Variants in LARGE1 observed in about 807,000 individuals in gnomAD.
LARGE1 encodes the protein LARGE xylosyl- and glucuronyltransferase 1, also known as xylosyl- and glucuronyltransferase LARGE1.
Under a neutral mutation model 87.6 loss-of-function variants are expected in LARGE1, and 43 were observed. The ratio of observed to expected loss-of-function variants is 0.49; its 90% CI spans 0.38 to 0.63. The LOEUF (loss-of-function observed/expected upper bound fraction) is 0.63. Among genes scored for constraint, LARGE1 ranks in the 30% least tolerant of loss-of-function variants. LARGE1 has a pLI of 0.00. For missense variants in LARGE1, 802 were observed against 1,000.2 expected, an observed-to-expected ratio of 0.80 and a Z score of 2.67; for synonymous variants, 434 against 394.6, an observed-to-expected ratio of 1.10 and a Z score of -1.18.
chr22:33,067,719 T>C, the LARGE1 span, among the ~76,000 whole-genome samples: 1 of 152,158 alleles, frequency 6.6e-6, no homozygotes, highest in African/African-American at 2.4e-5. Flanking sequence ...CAGTGGCTCA[T>C]GCCTGTAATC....
chr22:33,085,582 T>C, the LARGE1 span, among the ~76,000 whole-genome samples: 1 of 152,238 alleles, frequency 6.6e-6, no homozygotes, highest in Non-Finnish European at 1.5e-5. Context: ...CTAAATTTAC[T>C]AATATCAATA....
intron 2 of LARGE1, among the ~76,000 whole-genome samples, chr22:33,722,966 C>T (rs547605806): frequency 7.2e-5 from 11 of 152,230 alleles, no homozygotes; most frequent in African/African-American, 2.4e-4. Flanking sequence ...TCCTGGAATG[C>T]GGTAAGTGAG....
intron 11 of LARGE1, among the ~76,000 whole-genome samples, chr22:33,310,362 G>A (rs1293645268): frequency 6.6e-6 from 1 of 152,110 alleles, no homozygotes; most frequent in Non-Finnish European, 1.5e-5. Context: ...GGCTCTCCCT[G>A]GTGTGGTGTC....
the LARGE1 span, among the ~76,000 whole-genome samples, chr22:33,076,594 A>C: frequency 6.6e-6 from 1 of 152,180 alleles, no homozygotes; most frequent in African/African-American, 2.4e-5. Flanking sequence ...GTGGTGCTGA[A>C]TTGTATTATA....
intron 2 of LARGE1, among the ~76,000 whole-genome samples, chr22:33,669,582 G>C (rs1356288723): frequency 6.6e-6 from 1 of 152,176 alleles, no homozygotes; most frequent in Non-Finnish European, 1.5e-5. Context: ...TGTTCTATTA[G>C]TTCCAGAAAC....
At chr22:33,276,346 G>A (rs1335844481) in intron 14 of LARGE1, among the ~76,000 whole-genome samples, 2 of 152,086 alleles carry the variant, frequency 1.3e-5, no homozygotes, top group Non-Finnish European at 2.9e-5. Flanking sequence ...TCATGTTTTT[G>A]TACACAAAGT....
At chr22:33,253,229 A>G (rs9621668) in intron 11 of LARGE1, among the ~76,000 whole-genome samples, 29,674 of 152,166 alleles carry the variant, frequency 0.2, 3,291 homozygotes, top group South Asian at 0.31. Context: ...AATTAAATTG[A>G]TTAAAAACAT....
At chr22:33,166,857 G>T in intron 11 of LARGE1, 1 of 471,248 alleles carries the variant, frequency 2.1e-6, no homozygotes. Flanking sequence ...GAATGAGAAA[G>T]GGTTGATTCA....
chr22:33,730,483 A>G lies in LARGE1; in HGVS notation c.106+30888T>C, dbSNP rs978270650. ...CACGCTGTAAATCTATACACCTACT[A>G]TGTATCCATAAAATTGTTTTTGAAA... On this transcript the variant is annotated intron_variant, in intron 2 of 14. Coordinates refer to ENST00000397394, the MANE Select transcript of LARGE1 (RefSeq NM_133642.5). Among the ~76,000 whole-genome samples the G allele has an allele frequency of 2.0e-4, 30 of 152,292 alleles. No individual in the cohort carries two copies. In the East Asian group the frequency reaches 3.7e-3, roughly 19 times the overall value.
intron 6 of LARGE1, among the ~76,000 whole-genome samples, chr22:33,560,964 G>A (rs543526201): frequency 2.6e-5 from 4 of 152,108 alleles, no homozygotes; most frequent in South Asian, 2.1e-4. Flanking sequence ...ACAGGCGTCC[G>A]CCACCACGCC....
intron 2 of LARGE1, among the ~76,000 whole-genome samples, chr22:33,677,567 C>T (rs1251440867): frequency 1.3e-5 from 2 of 152,148 alleles, no homozygotes; most frequent in African/African-American, 4.8e-5. Context: ...TCTCTTCTCT[C>T]CCTGTGCCCC....
intron 1 of LARGE1, among the ~76,000 whole-genome samples, chr22:33,799,702 G>A (rs1481978164): frequency 6.6e-6 from 1 of 152,172 alleles, no homozygotes; most frequent in African/African-American, 2.4e-5. Flanking sequence ...AAAGTGCTGG[G>A]ATTACAGAAG....
intron 6 of LARGE1, among the ~76,000 whole-genome samples, chr22:33,471,536 T>C (rs952425435): frequency 1.3e-5 from 2 of 152,202 alleles, no homozygotes; most frequent in African/African-American, 2.4e-5. Context: ...AATTTTTTTG[T>C]ATTTTATTTA....
At chr22:33,843,894 A>G (rs1048518461) in intron 1 of LARGE1, among the ~76,000 whole-genome samples, 2 of 152,000 alleles carry the variant, frequency 1.3e-5, no homozygotes. Flanking sequence ...GCTGCCCAAC[A>G]CATTAAAACT....
At chr22:33,763,838 CTTTTTTTTTTTTT>C (rs71187279) in intron 1 of LARGE1, among the ~76,000 whole-genome samples, 4 of 71,176 alleles carry the variant, frequency 5.6e-5, no homozygotes, top group African/African-American at 1.2e-4. Flanking sequence ...AATTAGTTTG[CTTTTTTTTTTTTT>C]TTTTTTTTTT....
chr22:33,172,942 A>G (rs1602043326), intron 11 of LARGE1, among the ~76,000 whole-genome samples: 1 of 152,336 alleles, frequency 6.6e-6, no homozygotes, highest in East Asian at 1.9e-4. Context: ...ACATCAGGGT[A>G]TTATCCAGGA....
intron 6 of LARGE1, among the ~76,000 whole-genome samples, chr22:33,478,746 G>C (rs1156584757): frequency 6.6e-6 from 1 of 151,896 alleles, no homozygotes; most frequent in Non-Finnish European, 1.5e-5. Context: ...GAGGAATCTA[G>C]TAGGTGCTCA....
chr22:33,605,907 C>A (rs7289207), intron 4 of LARGE1, among the ~76,000 whole-genome samples: 6 of 151,836 alleles, frequency 4.0e-5, no homozygotes, highest in Admixed American at 3.9e-4. Flanking sequence ...GTCAGAAGGA[C>A]GTGTAAGAGG....
At chr22:33,823,269 T>C (rs906330080) in intron 1 of LARGE1, among the ~76,000 whole-genome samples, 1 of 152,362 alleles carries the variant, frequency 6.6e-6, no homozygotes, top group South Asian at 2.1e-4. Flanking sequence ...TCTGTGTGTG[T>C]GTATGTACAC....
Sources: gnomAD v4.1 joint callset for allele counts (sites outside exome capture counted in the v4.1 genomes callset) on GRCh38, gnomAD v4.1.1 for gene constraint, MANE v1.5 for transcripts, NCBI Gene and HGNC (gene_info 2026-07-23, HGNC 2026-07-21) for gene names.